The following IL1RAP variants were observed in gnomAD, a reference collection of about 807,000 sequenced individuals.
IL1RAP encodes the protein interleukin 1 receptor accessory protein.
Under a neutral mutation model 60.7 loss-of-function variants are expected in IL1RAP, and 35 were observed. That is an observed-to-expected ratio of 0.58 (90% CI 0.44 to 0.76). The LOEUF (loss-of-function observed/expected upper bound fraction) is 0.76, where lower values mean the gene tolerates loss of function less well. IL1RAP is among the 30% of genes least tolerant of loss of function. The pLI, the probability that IL1RAP is intolerant of heterozygous loss-of-function variation, is 0.00. For missense variants in IL1RAP, 572 were observed against 693.9 expected (o/e 0.82, Z 1.97); for synonymous variants, 268 against 250.9 (o/e 1.07, Z -0.64).
At position 190,648,710 on chromosome 3, in the gene IL1RAP, A is replaced by T. The variant is rs759010136; in HGVS notation, c.*5A>T. The T allele has an allele frequency of 6.2e-7, 1 of 1,602,762 alleles. No individual in the cohort carries two copies. On this transcript the variant is annotated 3_prime_UTR_variant, in exon 12 of 12. Transcript: ENST00000447382. ...TCATCTTTGAAAAATGTATGAAAGG[A>T]ATAATGAAAAGGGTAAAAAGAACAA...
chr3:190,589,447 T>C (rs1372573367), intron 3 of IL1RAP, among the ~76,000 whole-genome samples: 1 of 152,180 alleles, frequency 6.6e-6, no homozygotes, highest in African/African-American at 2.4e-5. Context: ...ATCTACACGC[T>C]TGACACATTA....
chr3:190,565,418 A>G (rs981103663), intron 3 of IL1RAP, among the ~76,000 whole-genome samples: 5 of 152,224 alleles, frequency 3.3e-5, no homozygotes, highest in African/African-American at 1.2e-4. Context: ...TATGCCTTCA[A>G]CTGTTTTTCA....
chr3:190,522,852 A>G (rs1722208124), intron 1 of IL1RAP, among the ~76,000 whole-genome samples: 1 of 152,164 alleles, frequency 6.6e-6, no homozygotes. Context: ...GGATATCTGC[A>G]CTGAAATCTA....
intron 1 of IL1RAP, among the ~76,000 whole-genome samples, chr3:190,532,088 T>C (rs1266487696): frequency 6.6e-6 from 1 of 152,106 alleles, no homozygotes; most frequent in Non-Finnish European, 1.5e-5. Context: ...TCTGGTATCA[T>C]GCTGCTTCTC....
chr3:190,573,225 G>T (rs1343133186), intron 3 of IL1RAP, among the ~76,000 whole-genome samples: 2 of 152,158 alleles, frequency 1.3e-5, no homozygotes, highest in Non-Finnish European at 2.9e-5. Context: ...AGCTTTGCAT[G>T]CCCCTCAGGA....
intron 9 of IL1RAP, among the ~76,000 whole-genome samples, chr3:190,636,306 G>C (rs1344465861): frequency 6.6e-6 from 1 of 152,102 alleles, no homozygotes; most frequent in Non-Finnish European, 1.5e-5. Context: ...AGAGAGAATG[G>C]TGTTGAAATC....
intron 3 of IL1RAP, among the ~76,000 whole-genome samples, chr3:190,578,883 C>T (rs1205006898): frequency 6.6e-6 from 1 of 152,176 alleles, no homozygotes; most frequent in African/African-American, 2.4e-5. Context: ...ATCATGACAA[C>T]AGCATGGGAA....
At chr3:190,532,774 G>C (rs1723104308) in intron 1 of IL1RAP, among the ~76,000 whole-genome samples, 1 of 150,816 alleles carries the variant, frequency 6.6e-6, no homozygotes, top group Non-Finnish European at 1.5e-5. Flanking sequence ...CTTATAACAG[G>C]CGTTTAGTTA....
At chr3:190,602,198 A>T (rs1019860765) in intron 3 of IL1RAP, among the ~76,000 whole-genome samples, 2 of 152,244 alleles carry the variant, frequency 1.3e-5, no homozygotes, top group Non-Finnish European at 2.9e-5. Context: ...TATACAGCTC[A>T]GAAAGAATTT....
Position 190,649,863 on chromosome 3 carries a change from G to A in IL1RAP, c.*1158G>A. 1 of 985,142 alleles carries A rather than the reference G, an allele frequency of 1.0e-6. No homozygotes were observed. Among genetic ancestry groups the A allele is most frequent in the Non-Finnish European group, 1.2e-6 (1 of 829,780 alleles). 61.0% of individuals were successfully genotyped at this position (985,142 alleles called of 1,614,324 possible). ...TTTTGTTTGTTTTCAGTAATATTTT[G>A]CTGTTTTTAAGACTTGGAAAACTAA... On this transcript the variant is annotated 3_prime_UTR_variant, in exon 12 of 12. Transcript: ENST00000447382.
intron 9 of IL1RAP, among the ~76,000 whole-genome samples, chr3:190,635,808 C>G (rs768128317): frequency 1.3e-5 from 2 of 152,134 alleles, no homozygotes; most frequent in Non-Finnish European, 2.9e-5. Flanking sequence ...GCAGGTATCT[C>G]CAACTTAGAA....
intron 1 of IL1RAP, among the ~76,000 whole-genome samples, chr3:190,514,496 G>C (rs554077800): frequency 1.8e-3 from 267 of 152,044 alleles, no homozygotes; most frequent in African/African-American, 6.0e-3. Flanking sequence ...TCAGCCCTTT[G>C]AGGGGTCTAC....
chr3:190,649,254 A>G lies in IL1RAP; in HGVS notation c.*549A>G. 1.0e-6 allele frequency: 1 copy of G among 985,598 alleles called. No homozygotes were observed. Among genetic ancestry groups the G allele is most frequent in the East Asian group, 1.1e-4 (1 of 8,826 alleles). 61.1% of individuals were successfully genotyped at this position (985,598 alleles called of 1,614,324 possible). A position where few individuals can be genotyped will look rare whatever the true frequency, so the allele number is the denominator to read the frequency against. On this transcript the variant is annotated 3_prime_UTR_variant, in exon 12 of 12. Transcript: ENST00000447382. ...ACATCCACTTAGGATGATACAAAGC[A>G]GTGTAACTGAAAATGTTTCTTTTAA...
chr3:190,547,513 T>G (rs1265272238), intron 1 of IL1RAP, among the ~76,000 whole-genome samples: 1 of 152,226 alleles, frequency 6.6e-6, no homozygotes, highest in African/African-American at 2.4e-5. Flanking sequence ...ACATGATATT[T>G]CTTTAGGGCT....
rs1242067405 is a variant in IL1RAP at position 190,573,024 on chromosome 3, C to T, written c.64+8671C>T. On this transcript the variant is annotated intron_variant, in intron 3 of 11. Transcript: ENST00000447382. ...GACTACAGGCGCCCGCCACCACGCCCGGCTAATTTTTTGTATTTTTAGTAG... is the reference window on the plus strand; with the variant it reads ...GACTACAGGCGCCCGCCACCACGCCTGGCTAATTTTTTGTATTTTTAGTAG... Among the ~76,000 whole-genome samples, 6 of 88,866 alleles carry T rather than the reference C, an allele frequency of 6.8e-5. 1 individual carries two copies. The highest frequency in any genetic ancestry group is 4.7e-4 in the East Asian group (2 of 4,238). The allele number at this position is 88,866 out of a possible 152,430, so 58.3% of individuals were successfully genotyped here.
chr3:190,585,456 C>T (rs1219328836), intron 3 of IL1RAP, among the ~76,000 whole-genome samples: 6 of 152,192 alleles, frequency 3.9e-5, no homozygotes, highest in Admixed American at 3.3e-4. Context: ...CATCAGACAG[C>T]TTCAGGGCAC....
intron 5 of IL1RAP, among the ~76,000 whole-genome samples, chr3:190,614,857 A>G (rs1302633361): frequency 6.6e-6 from 1 of 152,142 alleles, no homozygotes; most frequent in African/African-American, 2.4e-5. Flanking sequence ...TTGGAAGGGC[A>G]GGGTGATCTT....
At chr3:190,521,399 G>A (rs560179857) in intron 1 of IL1RAP, among the ~76,000 whole-genome samples, 1 of 151,706 alleles carries the variant, frequency 6.6e-6, no homozygotes, top group Non-Finnish European at 1.5e-5. Flanking sequence ...CAGCCAAGCA[G>A]CTAATAAATA....
At chr3:190,625,813 C>A (rs1026862599) in intron 7 of IL1RAP, among the ~76,000 whole-genome samples, 2 of 152,100 alleles carry the variant, frequency 1.3e-5, no homozygotes, top group African/African-American at 4.8e-5. Context: ...AATACTCTTC[C>A]TGCTGTCAGG....
Sources: allele counts gnomAD v4.1 joint callset (sites outside exome capture counted in the v4.1 genomes callset), GRCh38; gene constraint gnomAD v4.1.1; transcripts MANE v1.5; gene names NCBI Gene and HGNC (gene_info 2026-07-23, HGNC 2026-07-21).